Variants in TMEM97 observed in about 807,000 individuals in gnomAD.
The protein encoded by TMEM97 is sigma intracellular receptor 2.
TMEM97 carries 13 observed loss-of-function variants against 18.3 expected under a neutral mutation model. That is an observed-to-expected ratio of 0.71 (90% CI 0.46 to 1.13). The LOEUF (loss-of-function observed/expected upper bound fraction) is 1.13, where lower values mean the gene tolerates loss of function less well. Among genes scored for constraint, TMEM97 ranks in the 50% most tolerant of loss-of-function variants. The pLI, the probability that TMEM97 is intolerant of heterozygous loss-of-function variation, is 0.00. For missense variants in TMEM97, 205 were observed against 210.5 expected (o/e 0.97, Z 0.16); for synonymous variants, 76 against 85.3 (o/e 0.89, Z 0.60).
chr17:28,320,589 T>C (rs1906105164), intron 1 of TMEM97, among the ~76,000 whole-genome samples: 1 of 152,230 alleles, frequency 6.6e-6, no homozygotes, highest in African/African-American at 2.4e-5. Flanking sequence ...AGTTAAATTA[T>C]AAGCTCAAAC....
chr17:28,319,508 A>C, intron 1 of TMEM97, 143 bp downstream of exon 1: 1 of 1,028,378 alleles, frequency 9.7e-7, no homozygotes, highest in South Asian at 2.1e-5. Flanking sequence ...CTCCTAACCC[A>C]ACTTTAGTTC....
intron 1 of TMEM97, 83 bp downstream of exon 1, chr17:28,319,448 G>T: frequency 7.0e-7 from 1 of 1,426,592 alleles, no homozygotes. Context: ...CCGCGCTCGC[G>T]CACTCTGGGT....
At chr17:28,325,730 G>C (rs1367322228) in intron 2 of TMEM97, 83 bp downstream of exon 2, 2 of 1,570,970 alleles carry the variant, frequency 1.3e-6, no homozygotes, top group Non-Finnish European at 1.7e-6. Flanking sequence ...CAAAGGGAAG[G>C]GGATGGTCCC....
rs1906036250 is a variant in TMEM97 at position 28,319,293 on chromosome 17, C to G, written c.54C>G (p.Phe18Leu). 2 of 1,611,304 alleles carry G rather than the reference C, an allele frequency of 1.2e-6. No individual in the cohort carries two copies. Among genetic ancestry groups the G allele is most frequent in the Non-Finnish European group, 1.7e-6 (2 of 1,178,916 alleles). ...TGGAGTGGCTGCTGGGCCTCTACTT[C>G]CTCAGCCACATCCCCATCACCCTGT... ...RCVEWLLGLY[F>L]LSHIPITLFM... The change falls in exon 1 of 3, where the codon TTC becomes TTG. Residue 18 changes from phenylalanine to leucine, a missense_variant. Physicochemically the swap from Phe to Leu is conservative, Grantham distance 22. Transcript: ENST00000226230.
chr17:28,322,554 CTTATT>C (rs1906187418), intron 1 of TMEM97, among the ~76,000 whole-genome samples: 1 of 152,130 alleles, frequency 6.6e-6, no homozygotes, highest in Non-Finnish European at 1.5e-5. Flanking sequence ...TGGAAAAACT[CTTATT>C]TTATTATGAA....
intron 1 of TMEM97, among the ~76,000 whole-genome samples, chr17:28,321,518 G>A (rs890067661): frequency 6.6e-6 from 1 of 152,130 alleles, no homozygotes; most frequent in Non-Finnish European, 1.5e-5. Context: ...GCTTACCACA[G>A]CCTTGAACCT....
intron 1 of TMEM97, among the ~76,000 whole-genome samples, chr17:28,322,630 T>G (rs1355757563): frequency 3.9e-5 from 6 of 152,222 alleles, no homozygotes; most frequent in Admixed American, 3.9e-4. Context: ...CATTTTGTAG[T>G]ATCATTTGCA....
Position 28,328,515 on chromosome 17 carries a change from AG to A in TMEM97, c.*1727del. The A allele has an allele frequency of 1.5e-6, 1 of 669,880 alleles. No individual in the cohort carries two copies. The allele number at this position is 669,880 out of a possible 1,614,324, so 41.5% of individuals were successfully genotyped here. ...CCCCCAGACTTGTAGTGCTGTCTTC[AG>A]GGGGCTGCATTCCTTACACGCCACC... is the stretch of plus-strand genomic sequence containing the variant. On this transcript the variant is annotated 3_prime_UTR_variant, in exon 3 of 3. Coordinates refer to ENST00000226230, the MANE Select transcript of TMEM97 (RefSeq NM_014573.3).
At chr17:28,325,228 T>C (rs1011060290) in intron 1 of TMEM97, among the ~76,000 whole-genome samples, 1 of 152,210 alleles carries the variant, frequency 6.6e-6, no homozygotes, top group Admixed American at 6.5e-5. Flanking sequence ...ATGTGTTATC[T>C]TGGAATTATG....
At position 28,327,149 on chromosome 17, in the gene TMEM97, T is replaced by C. The variant is rs1165563205; in HGVS notation, c.*356T>C. 1 of 219,048 alleles carries C rather than the reference T, an allele frequency of 4.6e-6. No individual in the cohort carries two copies. Among genetic ancestry groups the C allele is most frequent in the Non-Finnish European group, 9.3e-6 (1 of 107,838 alleles). 13.6% of individuals were successfully genotyped at this position (219,048 alleles called of 1,614,324 possible). ...GCTAATTTGTTTTGTTTTTTTTGTG[T>C]GTGTGGAGACAGGGTTTTGCCATGT... On this transcript the variant is annotated 3_prime_UTR_variant, in exon 3 of 3. Coordinates refer to ENST00000226230, the MANE Select transcript of TMEM97 (RefSeq NM_014573.3).
At chr17:28,322,275 T>G (rs1330973710) in intron 1 of TMEM97, among the ~76,000 whole-genome samples, 1 of 151,554 alleles carries the variant, frequency 6.6e-6, no homozygotes, top group Non-Finnish European at 1.5e-5. Flanking sequence ...TTTGAGACAG[T>G]CTCTTGTCGC....
chr17:28,326,120 G>C (rs1397622631), intron 2 of TMEM97, among the ~76,000 whole-genome samples: 1 of 152,174 alleles, frequency 6.6e-6, no homozygotes, highest in Non-Finnish European at 1.5e-5. Context: ...TACTTGATAA[G>C]CTAAAACCAC....
chr17:28,328,282 A>C lies in TMEM97; in HGVS notation c.*1489A>C, dbSNP rs992300012. On this transcript the variant is annotated 3_prime_UTR_variant, in exon 3 of 3. Transcript: ENST00000226230. ...GAGAATCCAGGGTTCTCTCATGAGG[A>C]GTTAAACATATTTCAAGAGCAACAG... 1 of 219,548 alleles carries C rather than the reference A, an allele frequency of 4.6e-6. No individual in the cohort carries two copies. The highest frequency in any genetic ancestry group is 9.0e-6 in the Non-Finnish European group (1 of 111,112). The allele number at this position is 219,548 out of a possible 1,614,324, so 13.6% of individuals were successfully genotyped here.
intron 1 of TMEM97, among the ~76,000 whole-genome samples, chr17:28,322,063 A>G (rs1341442362): frequency 1.3e-5 from 2 of 152,128 alleles, no homozygotes; most frequent in African/African-American, 2.4e-5. Flanking sequence ...GAAAAATGCC[A>G]AAATTTAACA....
At chr17:28,325,427 G>GT (rs1216478321) in intron 1 of TMEM97, 76 bp from the exon 2 acceptor site, 1 of 1,559,242 alleles carries the variant, frequency 6.4e-7, no homozygotes, top group Admixed American at 2.0e-5. Context: ...CTCCTCCAGT[G>GT]TATTTTCAAA....
chr17:28,319,393 C>A lies in TMEM97; in HGVS notation c.126+28C>A, dbSNP rs782503773. ...GAGGGGCGCCCCTCTTATCCCGGCC[C>A]GCTGAGGCTCTCCCGGCGCTGCGTC... is the stretch of plus-strand genomic sequence containing the variant. On this transcript the variant is annotated intron_variant, in intron 1 of 2. Transcript: ENST00000226230. 4 of 1,403,522 alleles carry A rather than the reference C, an allele frequency of 2.8e-6. No homozygotes were observed. In the African/African-American group the frequency reaches 9.6e-5, roughly 34 times the overall value. 86.9% of individuals were successfully genotyped at this position (1,403,522 alleles called of 1,614,324 possible).
chr17:28,325,242 A>G (rs1285179433), intron 1 of TMEM97, among the ~76,000 whole-genome samples: 1 of 152,236 alleles, frequency 6.6e-6, no homozygotes, highest in African/African-American at 2.4e-5. Context: ...AATTATGAAC[A>G]GATTCTGGGT....
Position 28,323,157 on chromosome 17 carries a change from G to C in TMEM97, c.127-2346G>C, listed in dbSNP as rs550416416. 1.3e-3 allele frequency among the ~76,000 whole-genome samples: 204 copies of C among 152,274 alleles called. 3 individuals are homozygous for C. Among genetic ancestry groups the C allele is most frequent in the African/African-American group, 4.7e-3 (195 of 41,554 alleles). The stretch of plus-strand genomic sequence containing the variant: ...CGCCTCACCCATCTGCCAGGTGCCT[G>C]GGCTTTCTACTCTCCTACTCACAAT... On this transcript the variant is annotated intron_variant, in intron 1 of 2. Coordinates refer to ENST00000226230, the MANE Select transcript of TMEM97 (RefSeq NM_014573.3).
intron 1 of TMEM97, 78 bp downstream of exon 1, chr17:28,319,443 C>A (rs979147569): frequency 2.0e-5 from 28 of 1,433,452 alleles, no homozygotes; most frequent in Non-Finnish European, 2.6e-5. Context: ...CTCCTCCGCG[C>A]TCGCGCACTC....
Sources: allele counts gnomAD v4.1 joint callset (sites outside exome capture counted in the v4.1 genomes callset), GRCh38; gene constraint gnomAD v4.1.1; transcripts MANE v1.5; gene names NCBI Gene and HGNC (gene_info 2026-07-23, HGNC 2026-07-21).